MARCHF4: variants seen among roughly 807,000 people sequenced by gnomAD.
MARCHF4 encodes membrane associated ring-CH-type finger 4, also known as E3 ubiquitin-protein ligase MARCHF4.
A neutral mutation model predicts 43.9 loss-of-function variants in MARCHF4; 14 were observed. The observed-to-expected ratio is 0.32, with a 90% CI of 0.21 to 0.50. MARCHF4 has a LOEUF of 0.50. Among genes scored for constraint, MARCHF4 ranks in the 20% least tolerant of loss-of-function variants. The pLI, the probability that MARCHF4 is intolerant of heterozygous loss-of-function variation, is 0.98. For missense variants in MARCHF4, 468 were observed against 536.7 expected (o/e 0.87, Z 1.27); for synonymous variants, 226 against 213.3 (o/e 1.06, Z -0.52).
intron 1 of MARCHF4, among the ~76,000 whole-genome samples, chr2:216,340,896 A>T (rs887477113): frequency 6.6e-6 from 1 of 152,178 alleles, no homozygotes; most frequent in Non-Finnish European, 1.5e-5. Context: ...CAGAGAAGTG[A>T]GGCACCTTGT....
chr2:216,290,724 T>C (rs1292797033), intron 1 of MARCHF4, among the ~76,000 whole-genome samples: 6 of 152,108 alleles, frequency 3.9e-5, no homozygotes, highest in African/African-American at 1.4e-4. Context: ...TCAGGATACA[T>C]TTTGAGGATG....
chr2:216,332,584 T>C (rs776732588), intron 1 of MARCHF4, among the ~76,000 whole-genome samples: 1 of 152,108 alleles, frequency 6.6e-6, no homozygotes, highest in Non-Finnish European at 1.5e-5. Context: ...ATTAATTTCA[T>C]TTACAATAGC....
At chr2:216,284,740 G>A (rs1691192681) in intron 1 of MARCHF4, among the ~76,000 whole-genome samples, 1 of 152,070 alleles carries the variant, frequency 6.6e-6, no homozygotes, top group African/African-American at 2.4e-5. Flanking sequence ...GCAGACTATA[G>A]AATCAGCTCT....
chr2:216,348,032 CTTTTTTTTTTTTTT>C (rs773695717), intron 1 of MARCHF4, among the ~76,000 whole-genome samples: 6 of 99,678 alleles, frequency 6.0e-5, no homozygotes, highest in South Asian at 3.6e-4. Flanking sequence ...TTAAGGCATT[CTTTTTTTTTTTTTT>C]TTTTTTTTTA....
intron 1 of MARCHF4, among the ~76,000 whole-genome samples, chr2:216,348,125 C>A (rs1692349102): frequency 6.6e-6 from 1 of 151,046 alleles, no homozygotes; most frequent in Non-Finnish European, 1.5e-5. Context: ...GAAACCTCCG[C>A]CTCCCCGGTT....
chr2:216,314,160 AT>A (rs1451827023), intron 1 of MARCHF4, among the ~76,000 whole-genome samples: 2 of 152,212 alleles, frequency 1.3e-5, no homozygotes, highest in Non-Finnish European at 2.9e-5. Context: ...TTCTAGATGG[AT>A]TTAGCATGCA....
At chr2:216,281,622 A>T (rs1691129636) in intron 2 of MARCHF4, among the ~76,000 whole-genome samples, 1 of 152,248 alleles carries the variant, frequency 6.6e-6, no homozygotes, top group Non-Finnish European at 1.5e-5. Flanking sequence ...CACAGGACAT[A>T]CAATTGGGAC....
At chr2:216,352,327 C>G (rs571165521) in intron 1 of MARCHF4, among the ~76,000 whole-genome samples, 20 of 152,326 alleles carry the variant, frequency 1.3e-4, no homozygotes, top group Non-Finnish European at 2.1e-4. Context: ...AGGGCCTGCA[C>G]AGATGGAGCT....
intron 1 of MARCHF4, among the ~76,000 whole-genome samples, chr2:216,293,429 C>T (rs1691343581): frequency 6.6e-6 from 1 of 152,200 alleles, no homozygotes; most frequent in African/African-American, 2.4e-5. Context: ...GTTATCTACA[C>T]TAAATCCAAT....
rs1459754983 is a variant in MARCHF4 at position 216,320,605 on chromosome 2, CTTTTTCTT to C, written c.517-36884_517-36877del. ...AGATAAGGTTGTAGAGCTATAGCCT[CTTTTTCTT>C]TCTTTCTTTCTTTCTTTCTTTCTTT... On this transcript the variant is annotated intron_variant, in intron 1 of 3. Transcript: ENST00000273067. Among the ~76,000 whole-genome samples the C allele has an allele frequency of 2.9e-5, 4 of 138,432 alleles. No homozygotes were observed. In the South Asian group the frequency reaches 7.6e-4, roughly 26 times the overall value. The allele number at this position is 138,432 out of a possible 152,430, so 90.8% of individuals were successfully genotyped here.
At chr2:216,286,520 TA>T (rs10565877) in intron 1 of MARCHF4, among the ~76,000 whole-genome samples, 101 of 143,502 alleles carry the variant, frequency 7.0e-4, no homozygotes, top group African/African-American at 7.6e-4. Context: ...CAACTCCATC[TA>T]AAAAAAAAAA....
At chr2:216,341,359 C>T (rs941682676) in intron 1 of MARCHF4, among the ~76,000 whole-genome samples, 1 of 152,212 alleles carries the variant, frequency 6.6e-6, no homozygotes, top group Non-Finnish European at 1.5e-5. Context: ...CTAGAAGAGG[C>T]CTGCTTGCCT....
intron 2 of MARCHF4, among the ~76,000 whole-genome samples, chr2:216,282,419 C>T (rs562226252): frequency 2.4e-4 from 37 of 152,152 alleles, no homozygotes; most frequent in African/African-American, 7.2e-4. Flanking sequence ...AAGACCCCAC[C>T]GCCACCATCC....
chr2:216,306,584 T>C (rs1338978772), intron 1 of MARCHF4, among the ~76,000 whole-genome samples: 1 of 152,216 alleles, frequency 6.6e-6, no homozygotes, highest in Non-Finnish European at 1.5e-5. Flanking sequence ...TTATATTGAA[T>C]ACTTCTAAAT....
rs893902769 is a variant in MARCHF4, at chr2:216,258,752, A to C, written c.*560T>G. 3.3e-5 allele frequency: 5 copies of C among 152,610 alleles called. No homozygotes were observed. Among genetic ancestry groups the C allele is most frequent in the Admixed American group, 2.0e-4 (3 of 15,262 alleles). The allele number at this position is 152,610 out of a possible 1,614,324, so 9.5% of individuals were successfully genotyped here. A position where few individuals can be genotyped will look rare whatever the true frequency, so the allele number is the denominator to read the frequency against. On this transcript the variant is annotated 3_prime_UTR_variant, in exon 4 of 4. Transcript: ENST00000273067. The stretch of plus-strand genomic sequence containing the variant: ...GCATCCCTCCCTGACCATCCACCCC[A>C]CCATCCCCACAGCCATTTGTCAGCG...
rs186736606 is a variant in MARCHF4 at position 216,262,914 on chromosome 2, C to T, written c.866-3235G>A. Among the ~76,000 whole-genome samples the T allele has an allele frequency of 1.8e-3, 269 of 152,202 alleles. 1 individual carries two copies. The highest frequency in any genetic ancestry group is 2.6e-3 in the Non-Finnish European group (180 of 67,992). On this transcript the variant is annotated intron_variant, in intron 3 of 3. Coordinates refer to ENST00000273067, the MANE Select transcript of MARCHF4 (RefSeq NM_020814.3). ...AACAATATACATTTCAGTGAAAATG[C>T]TATGGTACAACTACATTAGGAAACG...
intron 1 of MARCHF4, among the ~76,000 whole-genome samples, chr2:216,311,565 ATG>A (rs1437582031): frequency 2.6e-5 from 4 of 152,188 alleles, no homozygotes; most frequent in African/African-American, 9.6e-5. Context: ...GCCGTAAATC[ATG>A]TCTTTATTGT....
intron 1 of MARCHF4, among the ~76,000 whole-genome samples, chr2:216,338,853 C>T (rs1171444343): frequency 2.0e-5 from 3 of 152,122 alleles, no homozygotes; most frequent in Admixed American, 6.5e-5. Flanking sequence ...TCAAACGTAT[C>T]ATCTCATTTA....
At chr2:216,354,122 G>T (rs915535421) in intron 1 of MARCHF4, among the ~76,000 whole-genome samples, 1 of 152,096 alleles carries the variant, frequency 6.6e-6, no homozygotes, top group African/African-American at 2.4e-5. Flanking sequence ...CCACAGAAAG[G>T]CTGGGCTTAA....
Sources: allele counts gnomAD v4.1 joint callset (sites outside exome capture counted in the v4.1 genomes callset), GRCh38; gene constraint gnomAD v4.1.1; transcripts MANE v1.5; gene names NCBI Gene and HGNC (gene_info 2026-07-23, HGNC 2026-07-21).